PCDHGA3: variants seen among roughly 807,000 people sequenced by gnomAD.
PCDHGA3 encodes the protein protocadherin gamma subfamily A, 3.
PCDHGA3 carries 40 observed loss-of-function variants against 58.5 expected under a neutral mutation model. That is an observed-to-expected ratio of 0.68 (90% confidence interval 0.53 to 0.89). PCDHGA3 has a LOEUF of 0.89. PCDHGA3 is among the 40% of genes least tolerant of loss of function. PCDHGA3 has a pLI of 0.00. For missense variants in PCDHGA3, 1,223 were observed against 1,195.9 expected, an observed-to-expected ratio of 1.02 and a Z score of -0.33; for synonymous variants, 530 against 525.7, an observed-to-expected ratio of 1.01 and a Z score of -0.11.
chr5:141,375,186 T>C, intron 1 of PCDHGA3: 1 of 1,613,988 alleles, frequency 6.2e-7, no homozygotes, highest in Non-Finnish European at 8.5e-7. Context: ...GTAATCGCCC[T>C]TTTTCAAGTG....
intron 1 of PCDHGA3, among the ~76,000 whole-genome samples, chr5:141,434,259 G>A (rs1452016594): frequency 6.6e-6 from 1 of 152,230 alleles, no homozygotes; most frequent in Non-Finnish European, 1.5e-5. Flanking sequence ...CATTGTGGGG[G>A]AGGTGGAAAT....
At chr5:141,418,891 C>T in intron 1 of PCDHGA3, 2 of 1,613,842 alleles carry the variant, frequency 1.2e-6, no homozygotes, top group South Asian at 2.2e-5. Flanking sequence ...ACGACAACAG[C>T]CCAGAAATAA....
chr5:141,430,705 T>C (rs914464861), intron 1 of PCDHGA3: 3 of 1,477,958 alleles, frequency 2.0e-6, no homozygotes, highest in African/African-American at 2.8e-5. Flanking sequence ...AAGGAACTGC[T>C]CCTGACTTCA....
At chr5:141,509,310 G>A (rs1223508453) in intron 3 of PCDHGA3, among the ~76,000 whole-genome samples, 2 of 152,174 alleles carry the variant, frequency 1.3e-5, no homozygotes, top group Non-Finnish European at 1.5e-5. Flanking sequence ...GAGGGAGGCT[G>A]GGAGAGAAGC....
intron 1 of PCDHGA3, among the ~76,000 whole-genome samples, chr5:141,405,996 G>A (rs2094743914): frequency 6.6e-6 from 1 of 151,746 alleles, no homozygotes; most frequent in Non-Finnish European, 1.5e-5. Flanking sequence ...GTAGCTCTCA[G>A]CCTGCATTGA....
At chr5:141,401,058 T>A (rs967099811) in intron 1 of PCDHGA3, among the ~76,000 whole-genome samples, 1 of 152,236 alleles carries the variant, frequency 6.6e-6, no homozygotes, top group African/African-American at 2.4e-5. Flanking sequence ...AAATACTATA[T>A]GTTGGCTGGG....
At position 141,409,757 on chromosome 5, in the gene PCDHGA3, G is replaced by A; in HGVS notation, c.2424+63300G>A. The A allele has an allele frequency of 6.8e-6, 11 of 1,612,986 alleles. No individual in the cohort carries two copies. The highest frequency in any genetic ancestry group is 9.3e-6 in the Non-Finnish European group (11 of 1,179,838). ...GAGCGGGGTGGTGTTCGCGCAGCGCGCCTTTGATCACGAGCAGCTGCGCGC... is the reference window on the plus strand; with the variant it reads ...GAGCGGGGTGGTGTTCGCGCAGCGCACCTTTGATCACGAGCAGCTGCGCGC... On this transcript the variant is annotated intron_variant, in intron 1 of 3. Coordinates refer to ENST00000253812, the MANE Select transcript of PCDHGA3 (RefSeq NM_018916.4).
At chr5:141,505,300 G>A in intron 2 of PCDHGA3, 93 bp from the exon 3 acceptor site, 1 of 1,589,042 alleles carries the variant, frequency 6.3e-7, no homozygotes, top group South Asian at 1.1e-5. Flanking sequence ...GGTAGGGTTA[G>A]GGTACTAGGT....
chr5:141,356,270 A>G lies in PCDHGA3; in HGVS notation c.2424+9813A>G, dbSNP rs751472146. On this transcript the variant is annotated intron_variant, in intron 1 of 3. Transcript: ENST00000253812. ...GTTACATCTCTCACCAGCTCAGTCC[A>G]GGAATCTTCTTCCCCGGGTACAGTA... is the stretch of plus-strand genomic sequence containing the variant. 3.8e-6 allele frequency: 6 copies of G among 1,562,512 alleles called. No homozygotes were observed. In the South Asian group the frequency reaches 4.7e-5, roughly 12 times the overall value.
intron 1 of PCDHGA3, chr5:141,440,945 A>T (rs1210278728): frequency 2.6e-5 from 4 of 152,234 alleles, no homozygotes; most frequent in African/African-American, 9.7e-5. Flanking sequence ...CCAGGACTAG[A>T]GTGTCAAGGC....
At position 141,359,043 on chromosome 5, in the gene PCDHGA3, T is replaced by C. The variant is rs1437297032; in HGVS notation, c.2424+12586T>C. Among the ~76,000 whole-genome samples, 8 of 152,376 alleles carry C rather than the reference T, an allele frequency of 5.3e-5. No individual in the cohort carries two copies. In the East Asian group the frequency reaches 9.6e-4, roughly 18 times the overall value. On this transcript the variant is annotated intron_variant, in intron 1 of 3. Transcript: ENST00000253812. The stretch of plus-strand genomic sequence containing the variant: ...ATAACTGGAAGTTGTAGTGATAGAC[T>C]GTGGAATATGCCTCAATTTGACTTA...
Position 141,344,472 on chromosome 5 carries a change from G to A in PCDHGA3, c.439G>A (p.Val147Ile), listed in dbSNP as rs1465653147. 5 of 1,613,722 alleles carry A rather than the reference G, an allele frequency of 3.1e-6. No homozygotes were observed. In the Admixed American group the frequency reaches 8.3e-5, roughly 27 times the overall value. ...ELEIKIGELT[V>I]PGTRFPIKTA... is the part of the protein sequence containing the mutation. ...GGAAATAAAAATTGGTGAACTAACG[G>A]TTCCTGGAACCCGATTTCCAATTAA... Residue 147 changes from valine to isoleucine, a missense_variant, in exon 1 of 4, where the codon GTT becomes ATT. Physicochemically the swap from Val to Ile is conservative, Grantham distance 29. Coordinates refer to ENST00000253812, the MANE Select transcript of PCDHGA3 (RefSeq NM_018916.4).
At chr5:141,377,699 G>A (rs895371425) in intron 1 of PCDHGA3, 1 of 151,992 alleles carries the variant, frequency 6.6e-6, no homozygotes, top group Non-Finnish European at 1.5e-5. Context: ...TTACTACTTA[G>A]GAATCAAAAA....
At chr5:141,433,699 T>C (rs2097645911) in intron 1 of PCDHGA3, among the ~76,000 whole-genome samples, 1 of 152,082 alleles carries the variant, frequency 6.6e-6, no homozygotes, top group Non-Finnish European at 1.5e-5. Flanking sequence ...TAGCCGGGCG[T>C]GGTGGTGCAT....
Position 141,414,630 on chromosome 5 carries a change from C to A in PCDHGA3, c.2424+68173C>A. On this transcript the variant is annotated intron_variant, in intron 1 of 3. Coordinates refer to ENST00000253812, the MANE Select transcript of PCDHGA3 (RefSeq NM_018916.4). ...CAGTGACAGCGCTGGACCCGGACAG[C>A]AAAGAGAATGCCCAGATTATTTACT... 2 of 1,613,980 alleles carry A rather than the reference C, an allele frequency of 1.2e-6. No individual in the cohort carries two copies. Among genetic ancestry groups the A allele is most frequent in the Non-Finnish European group, 1.7e-6 (2 of 1,179,892 alleles).
Position 141,485,294 on chromosome 5 carries a change from G to A in PCDHGA3, c.2425-9513G>A, listed in dbSNP as rs2099611126. Reference sequence around the variant, plus strand: ...CTACCCGGTCCCAGAGGAGTCACAGGAAGGGACTTTTGTAGGGAATGTCGC... The same window carrying A: ...CTACCCGGTCCCAGAGGAGTCACAGAAAGGGACTTTTGTAGGGAATGTCGC... On this transcript the variant is annotated intron_variant, in intron 1 of 3. Coordinates refer to ENST00000253812, the MANE Select transcript of PCDHGA3 (RefSeq NM_018916.4). The surrounding 1 kb of genome is among the most constrained non-coding windows in gnomAD (Gnocchi z 5.7). The A allele has an allele frequency of 6.2e-7, 1 of 1,614,044 alleles. No homozygotes were observed. Among genetic ancestry groups the A allele is most frequent in the Non-Finnish European group, 8.5e-7 (1 of 1,179,988 alleles).
At chr5:141,510,322 A>G (rs62379243) in intron 3 of PCDHGA3, among the ~76,000 whole-genome samples, 36,300 of 150,290 alleles carry the variant, frequency 0.24, 4,456 homozygotes, top group Admixed American at 0.32. Flanking sequence ...TTGGAAGAGC[A>G]CTCTTCACCC....
At chr5:141,399,075 A>C (rs759361503) in intron 1 of PCDHGA3, 1 of 1,613,868 alleles carries the variant, frequency 6.2e-7, no homozygotes, top group Non-Finnish European at 8.5e-7. Flanking sequence ...TGGTTGTAGA[A>C]GGGAGGGATG....
intron 1 of PCDHGA3, chr5:141,409,471 A>T: frequency 6.2e-7 from 1 of 1,613,978 alleles, no homozygotes; most frequent in Non-Finnish European, 8.5e-7. Context: ...TCACCATCGT[A>T]GCCACTGACA....
Sources: gnomAD v4.1 joint callset for allele counts (sites outside exome capture counted in the v4.1 genomes callset) on GRCh38, gnomAD v4.1.1 for gene constraint, Gnocchi (gnomAD v3.1) non-coding constraint, MANE v1.5 for transcripts, NCBI Gene and HGNC (gene_info 2026-07-23, HGNC 2026-07-21) for gene names.